MYRIP: variants seen among roughly 807,000 people sequenced by gnomAD.
MYRIP encodes rab effector MyRIP.
Under a neutral mutation model 98.0 loss-of-function variants are expected in MYRIP, and 49 were observed. That is an observed-to-expected ratio of 0.50 (90% CI 0.40 to 0.63). MYRIP has a LOEUF of 0.63. MYRIP is among the 30% of genes least tolerant of loss of function. The pLI is 0.00. For missense variants in MYRIP, 1,004 were observed against 1,058.2 expected, an observed-to-expected ratio of 0.95 and a Z score of 0.71; for synonymous variants, 404 against 409.5, an observed-to-expected ratio of 0.99 and a Z score of 0.16.
At chr3:40,088,047 A>C (rs191851814) in intron 3 of MYRIP, among the ~76,000 whole-genome samples, 1 of 152,070 alleles carries the variant, frequency 6.6e-6, no homozygotes, top group African/African-American at 2.4e-5. Context: ...TCTGTGCAGA[A>C]AAAGGTGGGC....
intron 12 of MYRIP, 70 bp downstream of exon 12, chr3:40,234,123 T>G: frequency 6.8e-7 from 1 of 1,479,462 alleles, no homozygotes; most frequent in Non-Finnish European, 9.1e-7. Flanking sequence ...AATTGTAGCT[T>G]ATCGTGAAGA....
intron 4 of MYRIP, among the ~76,000 whole-genome samples, chr3:40,157,976 T>G (rs1375317771): frequency 6.6e-5 from 10 of 152,198 alleles, no homozygotes; most frequent in Admixed American, 2.0e-4. Context: ...TTTGAAGGGT[T>G]TTTTGTGTCT....
chr3:40,135,811 T>C (rs966820807), intron 3 of MYRIP, among the ~76,000 whole-genome samples: 34 of 152,134 alleles, frequency 2.2e-4, no homozygotes, highest in Non-Finnish European at 2.4e-4. Flanking sequence ...AGAAATAAAA[T>C]ACTTTACAGA....
chr3:39,847,853 C>A (rs1012221646), intron 1 of MYRIP, among the ~76,000 whole-genome samples: 3 of 152,158 alleles, frequency 2.0e-5, no homozygotes, highest in Non-Finnish European at 4.4e-5. Flanking sequence ...CCCCTCACCC[C>A]CCAAGGATTT....
chr3:39,900,257 A>G (rs1188408448), intron 1 of MYRIP, among the ~76,000 whole-genome samples: 1 of 152,168 alleles, frequency 6.6e-6, no homozygotes, highest in African/African-American at 2.4e-5. Flanking sequence ...CCTTTTGAAG[A>G]AGAGAACTTA....
chr3:39,882,591 C>T (rs1293564911), intron 1 of MYRIP, among the ~76,000 whole-genome samples: 1 of 152,104 alleles, frequency 6.6e-6, no homozygotes. Context: ...TGGCTAAGAG[C>T]ATGGTCTTTG....
At position 39,972,488 on chromosome 3, in the gene MYRIP, T is replaced by A. The variant is rs148217636; in HGVS notation, c.110+71562T>A. ...CTTTGTTATGATTCTAAATTTACTT[T>A]TAAAAATAATAAACATTGCTTTTTA... On this transcript the variant is annotated intron_variant, in intron 2 of 16. Coordinates refer to ENST00000302541, the MANE Select transcript of MYRIP (RefSeq NM_015460.4). 4.0e-3 allele frequency among the ~76,000 whole-genome samples: 607 copies of A among 152,234 alleles called. 3 individuals are homozygous for A. The highest frequency in any genetic ancestry group is 6.8e-3 in the Middle Eastern group (2 of 294).
At chr3:40,163,332 C>T (rs1353625531) in intron 5 of MYRIP, among the ~76,000 whole-genome samples, 1 of 152,102 alleles carries the variant, frequency 6.6e-6, no homozygotes, top group South Asian at 2.1e-4. Flanking sequence ...CACAGCTTAT[C>T]TGTACTCTCT....
chr3:40,186,547 TA>T (rs1203726546), intron 9 of MYRIP, among the ~76,000 whole-genome samples: 9 of 152,008 alleles, frequency 5.9e-5, no homozygotes, highest in African/African-American at 2.2e-4. Context: ...AGAGGGGGGA[TA>T]CTTAGCCACC....
chr3:39,963,053 A>G (rs1156884761), intron 2 of MYRIP, among the ~76,000 whole-genome samples: 1 of 152,138 alleles, frequency 6.6e-6, no homozygotes, highest in African/African-American at 2.4e-5. Flanking sequence ...AGGGGCTCAT[A>G]TCATCTAGAT....
intron 3 of MYRIP, among the ~76,000 whole-genome samples, chr3:40,091,654 T>G (rs1948739485): frequency 6.6e-6 from 1 of 152,226 alleles, no homozygotes; most frequent in African/African-American, 2.4e-5. Context: ...TTGTGTTGTA[T>G]CTGAAATACT....
At chr3:39,951,455 T>C (rs1027289043) in intron 2 of MYRIP, among the ~76,000 whole-genome samples, 1 of 152,232 alleles carries the variant, frequency 6.6e-6, no homozygotes, top group South Asian at 2.1e-4. Context: ...TGAACATTTT[T>C]TCTGTAAAGG....
At chr3:39,943,412 G>A (rs1357728609) in intron 2 of MYRIP, among the ~76,000 whole-genome samples, 1 of 152,102 alleles carries the variant, frequency 6.6e-6, no homozygotes, top group African/African-American at 2.4e-5. Flanking sequence ...CAGGTTCTTA[G>A]GATTAAAGTG....
chr3:40,003,028 CTA>C (rs1463682384), intron 2 of MYRIP, among the ~76,000 whole-genome samples: 1 of 54,172 alleles, frequency 1.8e-5, no homozygotes, highest in Non-Finnish European at 5.1e-5. Context: ...ATGTAGATAT[CTA>C]TATATCTATA....
At chr3:40,107,110 G>C (rs1244362448) in intron 3 of MYRIP, among the ~76,000 whole-genome samples, 1 of 152,172 alleles carries the variant, frequency 6.6e-6, no homozygotes, top group Admixed American at 6.5e-5. Context: ...TTAAAAACTT[G>C]AATGGTGAGG....
At position 40,084,387 on chromosome 3, in the gene MYRIP, CGA is replaced by C. The variant is rs1559393695; in HGVS notation, c.332+40117_332+40118del. The stretch of plus-strand genomic sequence containing the variant: ...TAATACACATCTATGTATTATATAT[CGA>C]TAGATAATACACATCTATGTATTAT... On this transcript the variant is annotated intron_variant, in intron 3 of 16. Transcript: ENST00000302541. Among the ~76,000 whole-genome samples the C allele has an allele frequency of 1.8e-3, 239 of 135,194 alleles. 2 individuals are homozygous for C. Among genetic ancestry groups the C allele is most frequent in the East Asian group, 3.7e-3 (16 of 4,336 alleles). 88.7% of individuals were successfully genotyped at this position (135,194 alleles called of 152,430 possible).
intron 3 of MYRIP, among the ~76,000 whole-genome samples, chr3:40,086,608 G>A (rs556697211): frequency 1.6e-4 from 24 of 152,210 alleles, no homozygotes; most frequent in Non-Finnish European, 3.2e-4. Context: ...TCACACTCAG[G>A]ACCTCTGGTG....
intron 2 of MYRIP, among the ~76,000 whole-genome samples, chr3:39,912,779 C>T (rs573592427): frequency 6.6e-6 from 1 of 152,326 alleles, no homozygotes; most frequent in African/African-American, 2.4e-5. Context: ...GTGGCTCATG[C>T]CTGTAATCCC....
chr3:39,898,628 G>T (rs750198310), intron 1 of MYRIP, among the ~76,000 whole-genome samples: 2 of 152,100 alleles, frequency 1.3e-5, no homozygotes, highest in African/African-American at 2.4e-5. Flanking sequence ...ATCCCAGGTT[G>T]CCATTGTCTT....
Sources: gnomAD v4.1 joint callset for allele counts (sites outside exome capture counted in the v4.1 genomes callset) on GRCh38, gnomAD v4.1.1 for gene constraint, MANE v1.5 for transcripts, NCBI Gene and HGNC (gene_info 2026-07-23, HGNC 2026-07-21) for gene names.